The following ANLN variants were observed in gnomAD, a reference collection of about 807,000 sequenced individuals.
ANLN encodes the protein anillin.
ANLN carries 59 observed loss-of-function variants against 135.1 expected under a neutral mutation model. That is an observed-to-expected ratio of 0.44 (90% confidence interval 0.35 to 0.54). The LOEUF is 0.54. Ranked by LOEUF, ANLN falls within the 20% of genes least tolerant of loss-of-function variation. The pLI is 0.00. For missense variants in ANLN, 1,182 were observed against 1,340.0 expected, an observed-to-expected ratio of 0.88 and a Z score of 1.84; for synonymous variants, 406 against 456.4, an observed-to-expected ratio of 0.89 and a Z score of 1.41.
chr7:36,413,579 G>A (rs1463808267), intron 7 of ANLN, among the ~76,000 whole-genome samples: 1 of 152,222 alleles, frequency 6.6e-6, no homozygotes. Context: ...CCAGAAAGTT[G>A]CACATATGCA....
chr7:36,418,775 CAG>C (rs1583622280), intron 9 of ANLN, among the ~76,000 whole-genome samples: 1 of 146,164 alleles, frequency 6.8e-6, no homozygotes, highest in East Asian at 2.0e-4. Context: ...TTGTCTCAGA[CAG>C]AGTTTCACTC....
In ANLN at chr7:36,417,257, G is replaced by A. The variant is rs1583620188; in HGVS notation, c.1633+67G>A. 6 of 869,378 alleles carry A rather than the reference G, an allele frequency of 6.9e-6. No individual in the cohort carries two copies. The East Asian group carries it at 1.4e-4, about 20-fold the overall frequency. The allele number at this position is 869,378 out of a possible 1,614,324, so 53.9% of individuals were successfully genotyped here. On this transcript the variant is annotated intron_variant, in intron 9 of 23. Transcript: ENST00000265748. ...TATAGGAAATAATATATTGATAGAA[G>A]CACATATTCAAATTGAGAGTATCTC...
At position 36,396,398 on chromosome 7, in the gene ANLN, C is replaced by G; in HGVS notation, c.151C>G (p.Gln51Glu). 1 of 1,590,266 alleles carries G rather than the reference C, an allele frequency of 6.3e-7. No homozygotes were observed. Among genetic ancestry groups the G allele is most frequent in the Non-Finnish European group, 8.6e-7 (1 of 1,163,184 alleles). ...GCCACTTTCAGAAGCAAGTAACCAG[C>G]AGCCCCTCTCTGGTGGTGAAGGTAA... Reference protein sequence around the residue: ...RQPLSEASNQQPLSGGEEKSC... With the variant: ...RQPLSEASNQEPLSGGEEKSC... The change falls in exon 2 of 24, where the codon CAG becomes GAG. Residue 51 changes from glutamine to glutamate, a missense_variant. This residue lies in a region of ANLN where 1,022 missense variants were observed against 1,134.0 expected (regional missense o/e 0.90). Transcript: ENST00000265748.
Position 36,422,133 on chromosome 7 carries a change from T to C in ANLN, c.2299+141T>C, listed in dbSNP as rs1787900674. 1.1e-5 allele frequency: 12 copies of C among 1,083,196 alleles called. No homozygotes were observed. In the South Asian group the frequency reaches 1.9e-4, roughly 18 times the overall value. The allele number at this position is 1,083,196 out of a possible 1,614,324, so 67.1% of individuals were successfully genotyped here. ...TGGATCTATTTTTTGTTCTTGTTTTTATAAGGTTTAAGAACTCTATGTAAA... is the reference window on the plus strand; with the variant it reads ...TGGATCTATTTTTTGTTCTTGTTTTCATAAGGTTTAAGAACTCTATGTAAA... On this transcript the variant is annotated intron_variant, in intron 13 of 23. Coordinates refer to ENST00000265748, the MANE Select transcript of ANLN (RefSeq NM_018685.5).
Position 36,449,810 on chromosome 7 carries a change from A to G in ANLN, c.3224A>G (p.Gln1075Arg). 6.2e-7 allele frequency: 1 copy of G among 1,614,030 alleles called. No homozygotes were observed. Among genetic ancestry groups the G allele is most frequent in the African/African-American group, 1.3e-5 (1 of 75,048 alleles). ...GATGACCGAGAGACTCTTGTCAGCC[A>G]ATGCAGGGACACACTCTGTGTTACC... Reference protein sequence around the residue: ...REDDRETLVSQCRDTLCVTKN... With the variant: ...REDDRETLVSRCRDTLCVTKN... Residue 1075 changes from glutamine (Q) to arginine (R), a missense_variant, in exon 23 of 24, where the codon CAA becomes CGA. Transcript: ENST00000265748.
At position 36,452,640 on chromosome 7, in the gene ANLN, A is replaced by G. The variant is rs779689611; in HGVS notation, c.*40A>G. 2 of 1,605,634 alleles carry G rather than the reference A, an allele frequency of 1.2e-6. No individual in the cohort carries two copies. The highest frequency in any genetic ancestry group is 2.2e-5 in the East Asian group (1 of 44,738). ...ATGCTATCTAGAGGTTTTTGATGTCATCTTAAGAAACACACTTAAGAGCAT... is the reference window on the plus strand; with the variant it reads ...ATGCTATCTAGAGGTTTTTGATGTCGTCTTAAGAAACACACTTAAGAGCAT... On this transcript the variant is annotated 3_prime_UTR_variant, in exon 24 of 24. Coordinates refer to ENST00000265748, the MANE Select transcript of ANLN (RefSeq NM_018685.5).
chr7:36,425,822 T>G (rs1355565092), intron 18 of ANLN, 82 bp downstream of exon 18: 22 of 1,439,314 alleles, frequency 1.5e-5, no homozygotes, highest in Non-Finnish European at 2.1e-5. Flanking sequence ...TAACCATTTC[T>G]GAACCTTGAG....
intron 3 of ANLN, among the ~76,000 whole-genome samples, chr7:36,399,891 C>G (rs1442009265): frequency 3.3e-5 from 5 of 151,940 alleles, no homozygotes; most frequent in African/African-American, 1.2e-4. Context: ...CTTTCATGAG[C>G]CTATAATCGG....
intron 21 of ANLN, 47 bp from the exon 22 acceptor site, chr7:36,443,708 C>A: frequency 7.9e-7 from 1 of 1,273,362 alleles, no homozygotes; most frequent in Non-Finnish European, 1.1e-6. Context: ...ATTGTTAGGA[C>A]ATTTTCCTCA....
intron 20 of ANLN, among the ~76,000 whole-genome samples, chr7:36,427,463 C>T (rs1245440324): frequency 6.6e-6 from 1 of 151,976 alleles, no homozygotes; most frequent in Non-Finnish European, 1.5e-5. Context: ...CGCGGGCTCC[C>T]ACCTTAGCCT....
At position 36,420,198 on chromosome 7, in the gene ANLN, G is replaced by A. The variant is rs1479860660; in HGVS notation, c.1899G>A (p.Leu633=). The part of the protein sequence containing the change: ...ESLVSTPRLE[L]KDTSRSDESP... ...TAGTGTCCACACCTAGACTGGAATT[G>A]AAAGACACCAGCAGAAGTGATGAAA... Residue 633 remains leucine, a synonymous_variant, in exon 11 of 24, where the codon TTG becomes TTA. Transcript: ENST00000265748. 6.2e-7 allele frequency: 1 copy of A among 1,613,974 alleles called. No individual in the cohort carries two copies. The highest frequency in any genetic ancestry group is 8.5e-7 in the Non-Finnish European group (1 of 1,179,926).
intron 22 of ANLN, among the ~76,000 whole-genome samples, chr7:36,444,319 GGT>G (rs375976504): frequency 4.0e-5 from 6 of 149,206 alleles, no homozygotes; most frequent in East Asian, 1.9e-4. Context: ...TTTTGTTGTA[GGT>G]GTGTGTGTGT....
intron 4 of ANLN, 66 bp downstream of exon 4, chr7:36,406,632 C>A: frequency 7.3e-7 from 1 of 1,374,946 alleles, no homozygotes; most frequent in Non-Finnish European, 9.5e-7. Flanking sequence ...TATAATACAT[C>A]TGTGTGTATG....
At chr7:36,415,155 C>T (rs1461279136) in intron 7 of ANLN, among the ~76,000 whole-genome samples, 2 of 152,330 alleles carry the variant, frequency 1.3e-5, no homozygotes, top group South Asian at 2.1e-4. Context: ...GAATGTTCCT[C>T]TTAAATAACC....
At chr7:36,416,350 T>G (rs1787642519) in intron 8 of ANLN, among the ~76,000 whole-genome samples, 1 of 152,196 alleles carries the variant, frequency 6.6e-6, no homozygotes, top group Admixed American at 6.5e-5. Context: ...TCCTGTGATC[T>G]GTGAATAGAG....
intron 3 of ANLN, among the ~76,000 whole-genome samples, chr7:36,400,180 A>T (rs1786881870): frequency 1.3e-5 from 2 of 152,224 alleles, no homozygotes; most frequent in Non-Finnish European, 2.9e-5. Flanking sequence ...TATCAGTTAC[A>T]TGACTAACAA....
At chr7:36,422,115 AT>A in intron 13 of ANLN, 123 bp downstream of exon 13, 1 of 1,141,334 alleles carries the variant, frequency 8.8e-7, no homozygotes, top group Non-Finnish European at 1.2e-6. Flanking sequence ...CAGTGGATCT[AT>A]TTTTTGTTCT....
chr7:36,428,323 G>A (rs1378232398), intron 20 of ANLN: 5 of 1,280,952 alleles, frequency 3.9e-6, no homozygotes, highest in Non-Finnish European at 5.1e-6. Context: ...TATGATGTAA[G>A]AGAGCGAGAG....
intron 21 of ANLN, among the ~76,000 whole-genome samples, chr7:36,441,169 T>G (rs979689339): frequency 6.6e-6 from 1 of 152,248 alleles, no homozygotes; most frequent in African/African-American, 2.4e-5. Context: ...TTTTATATTT[T>G]ATTGTTGATG....
Sources: gnomAD v4.1 joint callset for allele counts (sites outside exome capture counted in the v4.1 genomes callset) on GRCh38, gnomAD v4.1.1 for gene constraint, gnomAD v4.1.1 regional missense constraint, MANE v1.5 for transcripts, NCBI Gene and HGNC (gene_info 2026-07-23, HGNC 2026-07-21) for gene names.